Variants in MORN1 observed in about 807,000 individuals in gnomAD.
The protein encoded by MORN1 is MORN repeat-containing protein 1.
Under a neutral mutation model 61.9 loss-of-function variants are expected in MORN1, and 67 were observed. The ratio of observed to expected loss-of-function variants is 1.08; its 90% CI spans 0.89 to 1.33. The LOEUF is 1.33. Ranked by LOEUF, MORN1 falls within the 40% of genes most tolerant of loss-of-function variation. The probability of loss-of-function intolerance (pLI) is 0.00; values close to 1 mark genes in which losing one functional copy is unlikely to be tolerated. For missense variants in MORN1, 752 were observed against 691.2 expected, an observed-to-expected ratio of 1.09 and a Z score of -0.99; for synonymous variants, 301 against 292.0, an observed-to-expected ratio of 1.03 and a Z score of -0.31.
At chr1:2,347,656 C>T (rs552763138) in intron 10 of MORN1, among the ~76,000 whole-genome samples, 6 of 152,286 alleles carry the variant, frequency 3.9e-5, no homozygotes, top group East Asian at 3.9e-4. Flanking sequence ...TCCTCCCCAC[C>T]GTGGCTGCCC....
chr1:2,383,135 T>C (rs1265987430), intron 6 of MORN1, among the ~76,000 whole-genome samples: 1 of 152,110 alleles, frequency 6.6e-6, no homozygotes, highest in Non-Finnish European at 1.5e-5. Flanking sequence ...AGCACCCCCC[T>C]TCCTTGCCCA....
At chr1:2,324,493 C>T (rs543376809) in intron 12 of MORN1, among the ~76,000 whole-genome samples, 4 of 152,324 alleles carry the variant, frequency 2.6e-5, no homozygotes, top group East Asian at 1.9e-4. Flanking sequence ...TCCCGGAGGG[C>T]GGGAAAGACC....
chr1:2,390,826 G>C, intron 1 of MORN1: 1 of 806,390 alleles, frequency 1.2e-6, no homozygotes, highest in Non-Finnish European at 1.5e-6. Context: ...TCGGCTCTCT[G>C]CAACCTCCGC....
At chr1:2,381,184 C>T (rs917980188) in intron 6 of MORN1, among the ~76,000 whole-genome samples, 23 of 152,368 alleles carry the variant, frequency 1.5e-4, no homozygotes, top group African/African-American at 4.3e-4. Flanking sequence ...GCCTCTGAAG[C>T]GTGGTCTGGC....
chr1:2,385,359 A>G lies in MORN1; in HGVS notation c.450-294T>C, dbSNP rs1642470202. ...AGGAGAGGCAACGGGAGGGGGCTGCAGTCTCCACAGCCAGTGAGGCTGAGA... is the reference window on the plus strand; with the variant it reads ...AGGAGAGGCAACGGGAGGGGGCTGCGGTCTCCACAGCCAGTGAGGCTGAGA... On this transcript the variant is annotated intron_variant, in intron 5 of 13. Coordinates refer to ENST00000378531, the MANE Select transcript of MORN1 (RefSeq NM_024848.3). The G allele has an allele frequency of 6.0e-5, 30 of 497,926 alleles. No homozygotes were observed. The South Asian group carries it at 6.2e-4, about 10-fold the overall frequency. The allele number at this position is 497,926 out of a possible 1,614,324, so 30.8% of individuals were successfully genotyped here.
chr1:2,346,684 C>T (rs1195787503), intron 10 of MORN1, among the ~76,000 whole-genome samples: 1 of 152,218 alleles, frequency 6.6e-6, no homozygotes, highest in Non-Finnish European at 1.5e-5. Context: ...CCGCGCCCAC[C>T]CTGAGATAAA....
intron 3 of MORN1, chr1:2,388,000 A>G: frequency 5.9e-6 from 3 of 507,142 alleles, no homozygotes; most frequent in East Asian, 3.1e-5. Context: ...AAAAAGAAAT[A>G]GTGTAACTTG....
At chr1:2,346,742 C>T (rs551108098) in intron 10 of MORN1, among the ~76,000 whole-genome samples, 40 of 152,332 alleles carry the variant, frequency 2.6e-4, no homozygotes, top group African/African-American at 7.2e-4. Flanking sequence ...TCCCCCATCT[C>T]GACCTAAGAA....
At chr1:2,339,436 G>C (rs1641348786) in intron 10 of MORN1, among the ~76,000 whole-genome samples, 1 of 152,196 alleles carries the variant, frequency 6.6e-6, no homozygotes, top group Admixed American at 6.5e-5. Context: ...CTGGGTCCTG[G>C]CTGTGACCGC....
chr1:2,332,021 C>CGCCTCTCCCGCCGCTGT, intron 12 of MORN1: 1 of 173,404 alleles, frequency 5.8e-6, no homozygotes, highest in Non-Finnish European at 1.2e-5. Flanking sequence ...CCCGCCGCTG[C>CGCCTCTCCCGCCGCTGT]GCCTCTCCCG....
At chr1:2,358,759 A>T (rs771037335) in intron 8 of MORN1, 44 bp from the exon 9 acceptor site, 1 of 1,580,008 alleles carries the variant, frequency 6.3e-7, no homozygotes, top group Non-Finnish European at 8.6e-7. Flanking sequence ...ACAGGCACCC[A>T]GAAGCGGGGT....
At position 2,332,809 on chromosome 1, in the gene MORN1, C is replaced by T. The variant is rs113340687; in HGVS notation, c.1250+3660G>A. 4,283 of 443,038 alleles carry T rather than the reference C, an allele frequency of 9.7e-3. 157 individuals carry two copies. Among genetic ancestry groups the T allele is most frequent in the African/African-American group, 0.077 (3,835 of 49,818 alleles). The allele number at this position is 443,038 out of a possible 1,614,324, so 27.4% of individuals were successfully genotyped here. A position where few individuals can be genotyped will look rare whatever the true frequency, so the allele number is the denominator to read the frequency against. On this transcript the variant is annotated intron_variant, in intron 12 of 13. Transcript: ENST00000378531. ...TGAGGCTTTGGGGCTTGTGCGGAGA[C>T]GAGGGGAGAAGCCGGAGCCAGGACC...
intron 10 of MORN1, 124 bp from the exon 11 acceptor site, chr1:2,336,974 C>T (rs1569936578): frequency 1.2e-5 from 14 of 1,147,706 alleles, no homozygotes; most frequent in Non-Finnish European, 1.5e-5. Context: ...AGTCGCGATG[C>T]CATCTTGGTG....
chr1:2,391,519 G>T lies in MORN1; in HGVS notation c.15C>A (p.Gly5=). Reference sequence around the variant, plus strand: ...GCCCGCGGGAGCTCGGGGTGCCCTCGCCCGCCGCTGCCATCTTGCCGCCGA... The same window carrying T: ...GCCCGCGGGAGCTCGGGGTGCCCTCTCCCGCCGCTGCCATCTTGCCGCCGA... MAAA[G]EGTPSSRGPR... is the part of the protein sequence containing the mutation. Residue 5 remains glycine, a synonymous_variant, in exon 1 of 14, where the codon GGC becomes GGA. Transcript: ENST00000378531. The T allele has an allele frequency of 1.6e-6, 2 of 1,248,986 alleles. No individual in the cohort carries two copies. The highest frequency in any genetic ancestry group is 2.0e-6 in the Non-Finnish European group (2 of 991,150). 77.4% of individuals were successfully genotyped at this position (1,248,986 alleles called of 1,614,324 possible). A position where few individuals can be genotyped will look rare whatever the true frequency, so the allele number is the denominator to read the frequency against.
At chr1:2,351,678 C>T (rs4648831) in intron 10 of MORN1, 64,707 of 410,394 alleles carry the variant, frequency 0.16, 5,916 homozygotes, top group Middle Eastern at 0.23. Context: ...CTTTTCTTCA[C>T]GTGCTGGTTG....
intron 6 of MORN1, chr1:2,379,220 G>C (rs1642316870): frequency 2.2e-6 from 1 of 464,146 alleles, no homozygotes; most frequent in African/African-American, 2.0e-5. Context: ...TAGATGGGTG[G>C]ATCAGAGCTG....
Position 2,372,493 on chromosome 1 carries a change from C to A in MORN1, c.733G>T (p.Glu245Ter). 6.2e-7 allele frequency: 1 copy of A among 1,613,044 alleles called. No homozygotes were observed. The highest frequency in any genetic ancestry group is 1.7e-5 in the Admixed American group (1 of 59,748). ...VNVQLLQDHG[E>*]IAKSESGRVL... ...TGGAGATGCTTACTCTTGGCAATTT[C>A]CCCGTGGTCCTGCAGCAGCTGAACG... is the stretch of plus-strand genomic sequence containing the variant. Residue 245 changes from glutamate to a stop codon, truncating the protein, a stop_gained, in exon 8 of 14, where the codon GAA (glutamate) becomes TAA (stop). Coordinates refer to ENST00000378531, the MANE Select transcript of MORN1 (RefSeq NM_024848.3). LOFTEE classifies it high-confidence loss of function. The surrounding 1 kb of genome is among the most constrained non-coding windows in gnomAD (Gnocchi z 5.4).
chr1:2,336,759 C>G lies in MORN1; in HGVS notation c.1128G>C (p.Pro376=), dbSNP rs750153953. The G allele has an allele frequency of 1.2e-6, 2 of 1,600,984 alleles. No homozygotes were observed. Among genetic ancestry groups the G allele is most frequent in the Non-Finnish European group, 1.7e-6 (2 of 1,174,192 alleles). Residue 376 remains proline, a synonymous_variant, in exon 11 of 14, where the codon CCG becomes CCC. Transcript: ENST00000378531. ...GGAACAGGAAGGGGTGGTACCCAGG[C>G]GGGGGCGGCCCCAGGAGGACATCTG... The part of the protein sequence containing the change: ...EFTDVLLGPP[P]PGYHPFLFLD...
At chr1:2,355,465 C>T in intron 10 of MORN1, 3 of 1,550,466 alleles carry the variant, frequency 1.9e-6, no homozygotes, top group Non-Finnish European at 2.6e-6. Flanking sequence ...AGTGAGCTCC[C>T]TGCAAGCACA....
Sources: allele counts gnomAD v4.1 joint callset (sites outside exome capture counted in the v4.1 genomes callset), GRCh38; gene constraint gnomAD v4.1.1; non-coding constraint Gnocchi (gnomAD v3.1); transcripts MANE v1.5; gene names NCBI Gene and HGNC (gene_info 2026-07-23, HGNC 2026-07-21).